The following TMTC2 variants were observed in gnomAD, a reference collection of about 807,000 sequenced individuals.
TMTC2 encodes the protein transmembrane O-mannosyltransferase targeting cadherins 2, also known as protein O-mannosyl-transferase TMTC2.
A neutral mutation model predicts 82.4 loss-of-function variants in TMTC2; 43 were observed. The observed-to-expected ratio is 0.52, with a 90% CI of 0.41 to 0.67. The LOEUF (loss-of-function observed/expected upper bound fraction) is 0.67, where lower values mean the gene tolerates loss of function less well. TMTC2 is among the 30% of genes least tolerant of loss of function. The pLI, the probability that TMTC2 is intolerant of heterozygous loss-of-function variation, is 0.00. For synonymous variants in TMTC2, 408 were observed against 381.9 expected (o/e 1.07, Z -0.80); for missense variants, 919 against 1,012.4 (o/e 0.91, Z 1.25).
chr12:82,962,012 C>T (rs993669516), intron 4 of TMTC2, among the ~76,000 whole-genome samples: 1 of 151,978 alleles, frequency 6.6e-6, no homozygotes, highest in Non-Finnish European at 1.5e-5. Flanking sequence ...CAAAGACTCA[C>T]AGTATATATA....
intron 1 of TMTC2, among the ~76,000 whole-genome samples, chr12:82,742,025 C>T (rs776892833): frequency 7.9e-5 from 12 of 152,088 alleles, no homozygotes; most frequent in Middle Eastern, 3.2e-3. Flanking sequence ...TATGTTTCAG[C>T]GTGAATGTCC....
At chr12:83,067,088 C>T (rs1037286618) in intron 11 of TMTC2, among the ~76,000 whole-genome samples, 2 of 151,662 alleles carry the variant, frequency 1.3e-5, no homozygotes, top group Admixed American at 6.6e-5. Context: ...TTTTAAATTT[C>T]GAATAAGGAA....
intron 11 of TMTC2, among the ~76,000 whole-genome samples, chr12:83,080,645 T>A (rs1883434329): frequency 6.6e-6 from 1 of 152,154 alleles, no homozygotes; most frequent in African/African-American, 2.4e-5. Context: ...GTGTCTAAAC[T>A]CCCTACTTCA....
intron 4 of TMTC2, among the ~76,000 whole-genome samples, chr12:82,950,876 C>T (rs1200290083): frequency 6.6e-6 from 1 of 152,106 alleles, no homozygotes; most frequent in Non-Finnish European, 1.5e-5. Flanking sequence ...GGCAATCCAT[C>T]TGAAATAATT....
intron 11 of TMTC2, among the ~76,000 whole-genome samples, chr12:83,089,848 A>C (rs569953340): frequency 1.7e-5 from 2 of 114,290 alleles, no homozygotes; most frequent in African/African-American, 3.9e-5. Context: ...AACAAAAAAC[A>C]AAAAAAAAAA....
At chr12:83,123,571 AT>A (rs1885019166) in intron 11 of TMTC2, among the ~76,000 whole-genome samples, 1 of 151,998 alleles carries the variant, frequency 6.6e-6, no homozygotes, top group African/African-American at 2.4e-5. Flanking sequence ...CATTTGTTTA[AT>A]TGTATTAATC....
chr12:82,736,387 C>A (rs148695497), intron 1 of TMTC2, among the ~76,000 whole-genome samples: 11 of 152,082 alleles, frequency 7.2e-5, no homozygotes, highest in African/African-American at 2.6e-4. Context: ...TAAACATCTT[C>A]CAGTATTAGT....
intron 1 of TMTC2, among the ~76,000 whole-genome samples, chr12:82,688,032 T>A (rs1872411405): frequency 1.3e-5 from 2 of 152,350 alleles, no homozygotes; most frequent in African/African-American, 4.8e-5. Context: ...ATTTTACGTC[T>A]GGTTGGGAGG....
At chr12:82,898,508 T>C (rs1268393213) in intron 3 of TMTC2, among the ~76,000 whole-genome samples, 1 of 152,210 alleles carries the variant, frequency 6.6e-6, no homozygotes, top group East Asian at 1.9e-4. Context: ...TTAAGTAAGA[T>C]AGAAGCTTTA....
At chr12:83,070,995 T>C (rs1883091031) in intron 11 of TMTC2, among the ~76,000 whole-genome samples, 1 of 152,214 alleles carries the variant, frequency 6.6e-6, no homozygotes, top group Non-Finnish European at 1.5e-5. Flanking sequence ...ATTACATTTA[T>C]TGACTTATGT....
intron 1 of TMTC2, among the ~76,000 whole-genome samples, chr12:82,842,506 T>C (rs1870395651): frequency 6.6e-6 from 1 of 152,206 alleles, no homozygotes; most frequent in Non-Finnish European, 1.5e-5. Context: ...GAAATATGGC[T>C]TGTACGTGAA....
At chr12:82,907,794 C>T (rs771548826) in intron 3 of TMTC2, among the ~76,000 whole-genome samples, 4 of 152,016 alleles carry the variant, frequency 2.6e-5, no homozygotes, top group Non-Finnish European at 5.9e-5. Context: ...GTAAATTTTT[C>T]TGATTTCCAT....
At chr12:83,028,855 C>G (rs1215522600) in intron 8 of TMTC2, among the ~76,000 whole-genome samples, 4 of 152,144 alleles carry the variant, frequency 2.6e-5, no homozygotes, top group African/African-American at 7.2e-5. Context: ...GTATAGGAAA[C>G]ATTCTGTCTG....
intron 3 of TMTC2, among the ~76,000 whole-genome samples, chr12:82,921,115 A>G (rs1298811957): frequency 6.6e-6 from 1 of 151,914 alleles, no homozygotes; most frequent in Non-Finnish European, 1.5e-5. Context: ...CAGTTCTGAG[A>G]GGATAACTCA....
intron 1 of TMTC2, among the ~76,000 whole-genome samples, chr12:82,836,582 G>C (rs1473824034): frequency 6.6e-6 from 1 of 152,110 alleles, no homozygotes; most frequent in African/African-American, 2.4e-5. Flanking sequence ...CCTCCGGAAG[G>C]AATACAGTCC....
intron 1 of TMTC2, among the ~76,000 whole-genome samples, chr12:82,822,500 A>T (rs1869172592): frequency 6.6e-6 from 1 of 152,136 alleles, no homozygotes; most frequent in South Asian, 2.1e-4. Context: ...ACTCTTATAT[A>T]GTCTATATTT....
At chr12:82,817,745 T>A (rs533349336) in intron 1 of TMTC2, among the ~76,000 whole-genome samples, 1 of 152,298 alleles carries the variant, frequency 6.6e-6, no homozygotes, top group South Asian at 2.1e-4. Context: ...ATTCACTGCT[T>A]CCAAAATGAA....
Position 82,993,137 on chromosome 12 carries a change from A to T in TMTC2, c.2070+7091A>T, listed in dbSNP as rs568432131. Among the ~76,000 whole-genome samples the T allele has an allele frequency of 6.2e-4, 95 of 152,192 alleles. No homozygotes were observed. In the South Asian group the frequency reaches 0.016, roughly 26 times the overall value. ...ATACCTGAGACTACAGGTGCATGCC[A>T]CCACGCCTGGCTAATTTTTGTATTT... On this transcript the variant is annotated intron_variant, in intron 8 of 11. Coordinates refer to ENST00000321196, the MANE Select transcript of TMTC2 (RefSeq NM_152588.3).
chr12:82,964,934 C>A, intron 4 of TMTC2, 90 bp from the exon 5 acceptor site: 1 of 753,370 alleles, frequency 1.3e-6, no homozygotes, highest in South Asian at 2.3e-5. Context: ...TGCTGTTAAC[C>A]ATTTTTATTT....
Sources: allele counts gnomAD v4.1 joint callset (sites outside exome capture counted in the v4.1 genomes callset), GRCh38; gene constraint gnomAD v4.1.1; transcripts MANE v1.5; gene names NCBI Gene and HGNC (gene_info 2026-07-23, HGNC 2026-07-21).